Variants in SNX25 observed in about 807,000 individuals in gnomAD.
The protein encoded by SNX25 is sorting nexin-25.
SNX25 carries 62 observed loss-of-function variants against 113.7 expected under a neutral mutation model. That is an observed-to-expected ratio of 0.55 (90% CI 0.44 to 0.67). SNX25 has a LOEUF of 0.67. SNX25 is among the 30% of genes least tolerant of loss of function. SNX25 has a pLI of 0.00. For missense variants in SNX25, 1,014 were observed against 1,161.0 expected, an observed-to-expected ratio of 0.87 and a Z score of 1.84; for synonymous variants, 421 against 436.2, an observed-to-expected ratio of 0.97 and a Z score of 0.43.
At chr4:185,215,027 G>A (rs1738558424) in intron 1 of SNX25, among the ~76,000 whole-genome samples, 1 of 152,082 alleles carries the variant, frequency 6.6e-6, no homozygotes, top group Admixed American at 6.5e-5. Flanking sequence ...TCAGGAGATC[G>A]AGACCATCCT....
At chr4:185,227,338 G>C (rs569836487) in intron 1 of SNX25, among the ~76,000 whole-genome samples, 1 of 152,352 alleles carries the variant, frequency 6.6e-6, no homozygotes, top group Non-Finnish European at 1.5e-5. Flanking sequence ...GAGGGAGGTT[G>C]TGGGTTCACA....
At chr4:185,343,444 G>A (rs1354089202) in intron 12 of SNX25, among the ~76,000 whole-genome samples, 2 of 152,170 alleles carry the variant, frequency 1.3e-5, no homozygotes, top group African/African-American at 4.8e-5. Context: ...ATTATGGATT[G>A]CAATGTAGCA....
At position 185,210,172 on chromosome 4, in the gene SNX25, C is replaced by T; in HGVS notation, c.346C>T (p.Arg116Trp). The T allele has an allele frequency of 4.1e-6, 4 of 984,918 alleles. No homozygotes were observed. Among genetic ancestry groups the T allele is most frequent in the Non-Finnish European group, 4.8e-6 (4 of 830,238 alleles). The allele number at this position is 984,918 out of a possible 1,614,324, so 61.0% of individuals were successfully genotyped here. A position where few individuals can be genotyped will look rare whatever the true frequency, so the allele number is the denominator to read the frequency against. ...GGGGATCCTGTTTGCCCTCGTCTGC[C>T]GGAGCCCGCGCGCCCAGCCGCCCGA... is the stretch of plus-strand genomic sequence containing the variant. The part of the protein sequence containing the change: ...LLGILFALVC[R>W]SPRAQPPDFA... The change falls in exon 1 of 19, where the codon CGG (arginine) becomes TGG (tryptophan). Residue 116 changes from arginine (R) to tryptophan (W), a missense_variant. Transcript: ENST00000652585. The surrounding 1 kb of genome is among the most constrained non-coding windows in gnomAD (Gnocchi z 4.4).
At chr4:185,260,558 C>T (rs539773501) in intron 3 of SNX25, among the ~76,000 whole-genome samples, 9 of 152,214 alleles carry the variant, frequency 5.9e-5, no homozygotes, top group South Asian at 2.1e-4. Flanking sequence ...CACTACTCAT[C>T]GTATCTATTG....
chr4:185,210,483 C>A lies in SNX25; in HGVS notation c.429+228C>A, dbSNP rs1419478567. ...GCGCTCCGCGGTGCTGGAGGAGATG[C>A]GCGTTATTTACTGGGCTCTGTAGTC... is the stretch of plus-strand genomic sequence containing the variant. On this transcript the variant is annotated intron_variant, in intron 1 of 18. Coordinates refer to ENST00000652585, the MANE Select transcript of SNX25 (RefSeq NM_001378034.2). The surrounding 1 kb of genome is among the most constrained non-coding windows in gnomAD (Gnocchi z 4.4). 2.0e-5 allele frequency among the ~76,000 whole-genome samples: 3 copies of A among 152,074 alleles called. No individual in the cohort carries two copies. Among genetic ancestry groups the A allele is most frequent in the Admixed American group, 2.0e-4 (3 of 15,274 alleles).
intron 6 of SNX25, among the ~76,000 whole-genome samples, chr4:185,303,444 G>A (rs1753991075): frequency 6.6e-6 from 1 of 152,016 alleles, no homozygotes; most frequent in Admixed American, 6.6e-5. Flanking sequence ...TGGATCACGA[G>A]GTCAGGAGAT....
chr4:185,249,575 A>G (rs1038401935), intron 2 of SNX25, among the ~76,000 whole-genome samples: 2 of 152,084 alleles, frequency 1.3e-5, no homozygotes, highest in Non-Finnish European at 2.9e-5. Context: ...TCTTAATGCT[A>G]TCTTTGAGTG....
At position 185,359,570 on chromosome 4, in the gene SNX25, G is replaced by A. The variant is rs139250865; in HGVS notation, c.2651+1833G>A. Among the ~76,000 whole-genome samples the A allele has an allele frequency of 2.8e-3, 425 of 152,158 alleles. 6 individuals are homozygous for A. The highest frequency in any genetic ancestry group is 7.8e-4 in the Non-Finnish European group (53 of 67,994). On this transcript the variant is annotated intron_variant, in intron 16 of 18. Coordinates refer to ENST00000652585, the MANE Select transcript of SNX25 (RefSeq NM_001378034.2). ...GCACTTTGGGAGGCCGGAGCAGGTG[G>A]ATCACTTGATGTCAGGAGTTCGAGA...
downstream of SNX25, chr4:185,371,018 G>A (rs1051566508): frequency 4.7e-5 from 24 of 511,134 alleles, no homozygotes; most frequent in Admixed American, 3.1e-4. Flanking sequence ...GACTTCACAT[G>A]TCTCTGTAAT....
chr4:185,213,597 G>T (rs1409211753), intron 1 of SNX25, among the ~76,000 whole-genome samples: 1 of 152,116 alleles, frequency 6.6e-6, no homozygotes, highest in Non-Finnish European at 1.5e-5. Context: ...TCAGAGTGTG[G>T]TGTCCCGTGT....
At position 185,221,113 on chromosome 4, in the gene SNX25, A is replaced by G. The variant is rs1308381640; in HGVS notation, c.429+10858A>G. Among the ~76,000 whole-genome samples the G allele has an allele frequency of 4.7e-5, 7 of 150,520 alleles. No individual in the cohort carries two copies. In the South Asian group the frequency reaches 6.3e-4, roughly 14 times the overall value. ...AGTGGCATGATCTTGGCTCACCGCA[A>G]CCTCCACTTCCTGGGCTCAAGCCTT... On this transcript the variant is annotated intron_variant, in intron 1 of 18. Transcript: ENST00000652585.
intron 14 of SNX25, 84 bp downstream of exon 14, chr4:185,351,693 CCT>C (rs2095315607): frequency 5.7e-6 from 8 of 1,415,086 alleles, no homozygotes; most frequent in Non-Finnish European, 7.7e-6. Context: ...GAAGCAAATC[CCT>C]CTATTTTCAG....
At position 185,318,196 on chromosome 4, in the gene SNX25, A is replaced by T. The variant is rs114296069; in HGVS notation, c.1345-2537A>T. On this transcript the variant is annotated intron_variant, in intron 7 of 18. Transcript: ENST00000652585. ...TGGTGACATTTCTGAAAATTTGCCA[A>T]CTCATAATTTTAAGAATTTCAAAAT... 8.4e-3 allele frequency among the ~76,000 whole-genome samples: 1,279 copies of T among 152,252 alleles called. 16 individuals carry two copies. The highest frequency in any genetic ancestry group is 0.029 in the African/African-American group (1,217 of 41,548).
At chr4:185,207,171 C>A (rs1737222737), upstream of SNX25, among the ~76,000 whole-genome samples, 1 of 150,540 alleles carries the variant, frequency 6.6e-6, no homozygotes, top group South Asian at 2.1e-4. Flanking sequence ...CAGGTAATCC[C>A]AATCCAGTCA....
intron 12 of SNX25, among the ~76,000 whole-genome samples, chr4:185,345,390 G>A (rs756635781): frequency 6.6e-6 from 1 of 152,216 alleles, no homozygotes; most frequent in African/African-American, 2.4e-5. Context: ...CACATGCTAT[G>A]CTTCTAGCAC....
rs954273865 is a variant in SNX25 at position 185,305,683 on chromosome 4, G to A, written c.1163-4952G>A. ...GTTGTAATGTCTTTGTAGCCAAAAGGGTTTACCTAATGTCTAATATAAATG... is the reference window on the plus strand; with the variant it reads ...GTTGTAATGTCTTTGTAGCCAAAAGAGTTTACCTAATGTCTAATATAAATG... On this transcript the variant is annotated intron_variant, in intron 6 of 18. Coordinates refer to ENST00000652585, the MANE Select transcript of SNX25 (RefSeq NM_001378034.2). Among the ~76,000 whole-genome samples, 3 of 152,070 alleles carry A rather than the reference G, an allele frequency of 2.0e-5. No homozygotes were observed. The East Asian group carries it at 5.8e-4, about 29-fold the overall frequency.
In SNX25 at chr4:185,209,841, G is replaced by T; in HGVS notation, c.15G>T (p.Ala5=). 1.0e-6 allele frequency: 1 copy of T among 983,530 alleles called. No homozygotes were observed. The highest frequency in any genetic ancestry group is 1.2e-6 in the Non-Finnish European group (1 of 829,236). The allele number at this position is 983,530 out of a possible 1,614,324, so 60.9% of individuals were successfully genotyped here. ...CAGGAAGCAGCATGCACCCCGATGC[G>T]ACCGACAGTGGCGGCGCCGGCCCCA... MHPD[A]TDSGGAGPSP... Residue 5 remains alanine (A), a synonymous_variant, in exon 1 of 19, where the codon GCG becomes GCT. Coordinates refer to ENST00000652585, the MANE Select transcript of SNX25 (RefSeq NM_001378034.2). This position sits in a 1 kb window ranked among gnomAD's most constrained non-coding sequence, Gnocchi z 5.2.
intron 7 of SNX25, among the ~76,000 whole-genome samples, chr4:185,317,127 GA>G (rs2095080667): frequency 1.3e-5 from 2 of 151,836 alleles, no homozygotes; most frequent in African/African-American, 4.8e-5. Context: ...AAATTTACAA[GA>G]AAAAAACAAC....
intron 1 of SNX25, among the ~76,000 whole-genome samples, chr4:185,228,740 A>C (rs1386052098): frequency 6.6e-6 from 1 of 152,088 alleles, no homozygotes. Flanking sequence ...AAAGGTTTGG[A>C]AAAAACATCA....
Sources: allele counts gnomAD v4.1 joint callset (sites outside exome capture counted in the v4.1 genomes callset), GRCh38; gene constraint gnomAD v4.1.1; non-coding constraint Gnocchi (gnomAD v3.1); transcripts MANE v1.5; gene names NCBI Gene and HGNC (gene_info 2026-07-23, HGNC 2026-07-21).